DNAJC11: variants seen among roughly 807,000 people sequenced by gnomAD.
DNAJC11 encodes the protein dnaJ homolog subfamily C member 11.
DNAJC11 carries 15 observed loss-of-function variants against 78.6 expected under a neutral mutation model. That is an observed-to-expected ratio of 0.19 (90% CI 0.13 to 0.29). DNAJC11 has a LOEUF of 0.29. Ranked by LOEUF, DNAJC11 falls within the 10% of genes least tolerant of loss-of-function variation. DNAJC11 has a pLI of 1.00. For missense variants in DNAJC11, 547 were observed against 709.6 expected (o/e 0.77, Z 2.60); for synonymous variants, 292 against 272.1 (o/e 1.07, Z -0.72).
At chr1:6,636,697 TGA>T (rs921284755) in intron 14 of DNAJC11, among the ~76,000 whole-genome samples, 3 of 151,932 alleles carry the variant, frequency 2.0e-5, no homozygotes, top group Non-Finnish European at 4.4e-5. Context: ...TACTGAGTGG[TGA>T]AAGAAATGAC....
intron 4 of DNAJC11, among the ~76,000 whole-genome samples, chr1:6,666,386 T>TG (rs1297905711): frequency 1.9e-4 from 10 of 53,814 alleles, no homozygotes; most frequent in Non-Finnish European, 7.2e-5. Context: ...CTTTCTTTTC[T>TG]TTTTTTTTTT....
rs76960766 is a variant in DNAJC11 at position 6,645,819 on chromosome 1, A to G, written c.864T>C (p.Thr288=). ...SAMNTSIVRD[T]KTSHFTVALQ... ...GGGCCACAGTGAAGTGGCTGGTTTT[A>G]GTGTCTCGGACGATGCTAGTGTTCA... is the stretch of plus-strand genomic sequence containing the variant. Residue 288 remains threonine, a synonymous_variant, in exon 8 of 16, where the codon ACT becomes ACC. Transcript: ENST00000377577. The surrounding 1 kb of genome is among the most constrained non-coding windows in gnomAD (Gnocchi z 4.1). The G allele has an allele frequency of 1.3e-4, 207 of 1,614,098 alleles. 1 individual carries two copies. The East Asian group carries it at 1.8e-3, about 14-fold the overall frequency.
chr1:6,635,502 C>T lies in DNAJC11; in HGVS notation c.*173G>A, dbSNP rs1274055436. The T allele has an allele frequency of 4.3e-6, 3 of 693,298 alleles. No homozygotes were observed. The highest frequency in any genetic ancestry group is 2.8e-5 in the Admixed American group (1 of 35,780). 42.9% of individuals were successfully genotyped at this position (693,298 alleles called of 1,614,324 possible). On this transcript the variant is annotated 3_prime_UTR_variant, in exon 16 of 16. Transcript: ENST00000377577. The stretch of plus-strand genomic sequence containing the variant: ...GGCTGCCTCAGTCCTACCCCCAGCA[C>T]CCTCAAAAGCTGGGGTGTCTGCATG...
rs1641718351 is a variant in DNAJC11, at chr1:6,634,561, T to C, written c.*1114A>G. 3 of 1,365,348 alleles carry C rather than the reference T, an allele frequency of 2.2e-6. No individual in the cohort carries two copies. The highest frequency in any genetic ancestry group is 2.9e-6 in the Non-Finnish European group (3 of 1,021,596). The allele number at this position is 1,365,348 out of a possible 1,614,324, so 84.6% of individuals were successfully genotyped here. On this transcript the variant is annotated 3_prime_UTR_variant, in exon 16 of 16. Coordinates refer to ENST00000377577, the MANE Select transcript of DNAJC11 (RefSeq NM_018198.4). ...CCTGTGCGGCGCTTGCTCCGAGGGG[T>C]CAGCAAGAGCAACTGATGGCTGCCA...
chr1:6,700,146 G>A (rs1642902060), intron 1 of DNAJC11, among the ~76,000 whole-genome samples: 1 of 152,136 alleles, frequency 6.6e-6, no homozygotes, highest in South Asian at 2.1e-4. Context: ...TTGTGATAAT[G>A]TACTTTGTGA....
chr1:6,697,380 G>A (rs919984318), intron 1 of DNAJC11, among the ~76,000 whole-genome samples: 1 of 152,200 alleles, frequency 6.6e-6, no homozygotes, highest in Non-Finnish European at 1.5e-5. Context: ...TTTTTCCACA[G>A]ACTAGTGGGA....
chr1:6,637,012 C>A (rs1488718775), intron 14 of DNAJC11, among the ~76,000 whole-genome samples, 186 bp downstream of exon 14: 1 of 152,172 alleles, frequency 6.6e-6, no homozygotes, highest in African/African-American at 2.4e-5. Context: ...CCATGCCCAG[C>A]TGATTTTTTC....
At position 6,645,684 on chromosome 1, in the gene DNAJC11, A is replaced by C. The variant is rs966955803; in HGVS notation, c.894+105T>G. 5.2e-6 allele frequency: 7 copies of C among 1,339,782 alleles called. No homozygotes were observed. Among genetic ancestry groups the C allele is most frequent in the Middle Eastern group, 2.4e-4 (1 of 4,250 alleles). 83.0% of individuals were successfully genotyped at this position (1,339,782 alleles called of 1,614,324 possible). On this transcript the variant is annotated intron_variant, in intron 8 of 15. Coordinates refer to ENST00000377577, the MANE Select transcript of DNAJC11 (RefSeq NM_018198.4). The surrounding 1 kb of genome is among the most constrained non-coding windows in gnomAD (Gnocchi z 4.1). ...CCCTCAGGGCCCTGTATGGGCTTAG[A>C]CTTAGTGGTGATCAGGACGCAGGAT...
chr1:6,666,809 AG>A (rs1330478290), intron 4 of DNAJC11, among the ~76,000 whole-genome samples: 1 of 152,180 alleles, frequency 6.6e-6, no homozygotes, highest in Non-Finnish European at 1.5e-5. Context: ...AGATCATGGG[AG>A]AAGAGGCTGA....
At position 6,634,855 on chromosome 1, in the gene DNAJC11, G is replaced by A. The variant is rs565761345; in HGVS notation, c.*820C>T. 5.7e-5 allele frequency: 70 copies of A among 1,230,144 alleles called. 1 individual carries two copies. The South Asian group carries it at 8.1e-4, about 14-fold the overall frequency. The allele number at this position is 1,230,144 out of a possible 1,614,324, so 76.2% of individuals were successfully genotyped here. ...GGGTGTGTCTGATGTCTTGCCAAGC[G>A]CCTGGTCCTGTCCTCTTGAGCTGCC... On this transcript the variant is annotated 3_prime_UTR_variant, in exon 16 of 16. Coordinates refer to ENST00000377577, the MANE Select transcript of DNAJC11 (RefSeq NM_018198.4).
At chr1:6,655,564 C>T (rs538155649) in intron 4 of DNAJC11, among the ~76,000 whole-genome samples, 3 of 152,158 alleles carry the variant, frequency 2.0e-5, no homozygotes, top group Non-Finnish European at 2.9e-5. Context: ...GGCTAATACC[C>T]GTAATCCCAA....
intron 1 of DNAJC11, 45 bp from the exon 2 acceptor site, chr1:6,681,082 AAC>A (rs767091614): frequency 2.6e-6 from 4 of 1,562,646 alleles, no homozygotes; most frequent in Non-Finnish European, 3.5e-6. Flanking sequence ...ATGCTACTTA[AAC>A]ATTATCATCA....
chr1:6,664,250 T>TC (rs1318295725), intron 4 of DNAJC11, among the ~76,000 whole-genome samples: 1 of 151,500 alleles, frequency 6.6e-6, no homozygotes, highest in Non-Finnish European at 1.5e-5. Flanking sequence ...TCTTTTTTTT[T>TC]TTTTTTTGAG....
Position 6,653,087 on chromosome 1 carries a change from G to C in DNAJC11, c.508-136C>G. On this transcript the variant is annotated intron_variant, in intron 5 of 15. Coordinates refer to ENST00000377577, the MANE Select transcript of DNAJC11 (RefSeq NM_018198.4). This position sits in a 1 kb window ranked among gnomAD's most constrained non-coding sequence, Gnocchi z 4.5. ...CTGTTCAGAAGCACACATGGATGCAGAACTGCCGCAACAGCTTCACTTTTC... is the reference window on the plus strand; with the variant it reads ...CTGTTCAGAAGCACACATGGATGCACAACTGCCGCAACAGCTTCACTTTTC... 2 of 996,754 alleles carry C rather than the reference G, an allele frequency of 2.0e-6. No individual in the cohort carries two copies. The highest frequency in any genetic ancestry group is 3.0e-6 in the Non-Finnish European group (2 of 670,408). The allele number at this position is 996,754 out of a possible 1,614,324, so 61.7% of individuals were successfully genotyped here. A position where few individuals can be genotyped will look rare whatever the true frequency, so the allele number is the denominator to read the frequency against.
At chr1:6,685,897 TATAAATACAAGAGTTTAA>T (rs1389616832) in intron 1 of DNAJC11, among the ~76,000 whole-genome samples, 2 of 152,240 alleles carry the variant, frequency 1.3e-5, no homozygotes, top group African/African-American at 2.4e-5. Flanking sequence ...CTAAGGTTGG[TATAAATACAAGAGTTTAA>T]ATAAATACAA....
In DNAJC11 at chr1:6,653,850, T is replaced by C; in HGVS notation, c.507+61A>G. The C allele has an allele frequency of 1.3e-6, 2 of 1,588,162 alleles. No individual in the cohort carries two copies. Among genetic ancestry groups the C allele is most frequent in the African/African-American group, 1.3e-5 (1 of 74,456 alleles). On this transcript the variant is annotated intron_variant, in intron 5 of 15. Coordinates refer to ENST00000377577, the MANE Select transcript of DNAJC11 (RefSeq NM_018198.4). The surrounding 1 kb of genome is among the most constrained non-coding windows in gnomAD (Gnocchi z 4.5). ...GCAGACTCTCATTCCAGCTGCTTGG[T>C]GTGCTGTGCCTCATTAACTCGAGCC...
intron 7 of DNAJC11, among the ~76,000 whole-genome samples, chr1:6,650,312 T>A (rs189204473): frequency 6.6e-6 from 1 of 152,134 alleles, no homozygotes; most frequent in East Asian, 1.9e-4. Context: ...ATGCTTCTAA[T>A]CTCAGTGCTT....
chr1:6,634,390 C>G lies in DNAJC11; in HGVS notation c.*1285G>C, dbSNP rs1481130710. ...ATGTTACAGAATTGGACAACCCGAA[C>G]TGCTTTTCAAAACCAGAGGAAGGAG... On this transcript the variant is annotated 3_prime_UTR_variant, in exon 16 of 16. Coordinates refer to ENST00000377577, the MANE Select transcript of DNAJC11 (RefSeq NM_018198.4). 3 of 1,205,768 alleles carry G rather than the reference C, an allele frequency of 2.5e-6. No individual in the cohort carries two copies. The African/African-American group carries it at 4.7e-5, about 19-fold the overall frequency. 74.7% of individuals were successfully genotyped at this position (1,205,768 alleles called of 1,614,324 possible). A position where few individuals can be genotyped will look rare whatever the true frequency, so the allele number is the denominator to read the frequency against.
intron 4 of DNAJC11, among the ~76,000 whole-genome samples, chr1:6,659,525 C>T (rs530821812): frequency 7.9e-5 from 12 of 151,580 alleles, no homozygotes; most frequent in Non-Finnish European, 1.0e-4. Flanking sequence ...TCTGGGAGGC[C>T]GCGGCGGGTG....
Sources: allele counts gnomAD v4.1 joint callset (sites outside exome capture counted in the v4.1 genomes callset), GRCh38; gene constraint gnomAD v4.1.1; non-coding constraint Gnocchi (gnomAD v3.1); transcripts MANE v1.5; gene names NCBI Gene and HGNC (gene_info 2026-07-23, HGNC 2026-07-21).